The following NSD1 variants were observed in gnomAD, a reference collection of about 807,000 sequenced individuals.
The protein encoded by NSD1 is histone-lysine N-methyltransferase, H3 lysine-36 specific.
A neutral mutation model predicts 242.7 loss-of-function variants in NSD1; 26 were observed. The observed-to-expected ratio is 0.11, with a 90% CI of 0.08 to 0.15. The LOEUF is 0.15. Ranked by LOEUF, NSD1 falls within the 10% of genes least tolerant of loss-of-function variation. NSD1 has a pLI of 1.00. For synonymous variants in NSD1, 1,106 were observed against 1,178.1 expected, an observed-to-expected ratio of 0.94 and a Z score of 1.25; for missense variants, 2,495 against 3,272.8, an observed-to-expected ratio of 0.76 and a Z score of 5.80.
In NSD1 at chr5:177,297,032, A is replaced by G. The variant is rs919639892; in HGVS notation, c.*1573A>G. 8 of 233,142 alleles carry G rather than the reference A, an allele frequency of 3.4e-5. No individual in the cohort carries two copies. The Admixed American group carries it at 3.9e-4, about 11-fold the overall frequency. 14.4% of individuals were successfully genotyped at this position (233,142 alleles called of 1,614,324 possible). On this transcript the variant is annotated 3_prime_UTR_variant, in exon 23 of 23. Transcript: ENST00000439151. ...TCAAGTTCTTATTGAGGTTACTCCC[A>G]TCAATTCCACGGAGGGAACAGTAGT...
rs573372461 is a variant in NSD1 at position 177,162,374 on chromosome 5, C to T, written c.927+26344C>T. Among the ~76,000 whole-genome samples the T allele has an allele frequency of 9.4e-5, 14 of 149,344 alleles. No individual in the cohort carries two copies. In the East Asian group the frequency reaches 2.5e-3, roughly 27 times the overall value. On this transcript the variant is annotated intron_variant, in intron 2 of 22. Coordinates refer to ENST00000439151, the MANE Select transcript of NSD1 (RefSeq NM_022455.5). ...TTACTAGGAATTTGTTAAAATTAAC[C>T]AGGCTGGAAGTCATTATAGTTTGTT... is the stretch of plus-strand genomic sequence containing the variant.
chr5:177,179,014 A>G (rs186627756), intron 2 of NSD1, among the ~76,000 whole-genome samples: 17 of 152,294 alleles, frequency 1.1e-4, no homozygotes, highest in African/African-American at 4.1e-4. Context: ...ATAAGTAGCT[A>G]TTAGCCAGAT....
At position 177,280,801 on chromosome 5, in the gene NSD1, T is replaced by C. The variant is rs1581527967; in HGVS notation, c.5859T>C (p.Gly1953=). 6.2e-7 allele frequency: 1 copy of C among 1,614,174 alleles called. No homozygotes were observed. Among genetic ancestry groups the C allele is most frequent in the South Asian group, 1.1e-5 (1 of 91,074 alleles). The change falls in exon 18 of 23, where the codon GGT becomes GGC. Residue 1953 remains glycine, a synonymous_variant. Coordinates refer to ENST00000439151, the MANE Select transcript of NSD1 (RefSeq NM_022455.5). Reference sequence around the variant, plus strand: ...AAATTTTCCGCACATTACAGCGGGGTTGGGGTCTACGGACAAAAACAGATA... The same window carrying C: ...AAATTTTCCGCACATTACAGCGGGGCTGGGGTCTACGGACAAAAACAGATA... ...EVEIFRTLQR[G]WGLRTKTDIK... is the part of the protein sequence containing the mutation.
chr5:177,143,783 C>CTT (rs11300578), intron 2 of NSD1, among the ~76,000 whole-genome samples: 72 of 121,116 alleles, frequency 5.9e-4, no homozygotes, highest in Admixed American at 2.5e-3. Context: ...TACAAGATAA[C>CTT]TTTTTTTTTT....
chr5:177,265,906 C>A (rs541248753), intron 14 of NSD1: 3 of 1,468,140 alleles, frequency 2.0e-6, no homozygotes, highest in Non-Finnish European at 2.9e-6. Context: ...TCAGGTCTTC[C>A]ACCTTGACGG....
At chr5:177,171,137 G>A (rs973007977) in intron 2 of NSD1, among the ~76,000 whole-genome samples, 42 of 151,706 alleles carry the variant, frequency 2.8e-4, no homozygotes, top group Admixed American at 6.6e-5. Context: ...CCTGGCCAAC[G>A]TGGTGAAACC....
At chr5:177,132,692 G>C (rs1451066986), upstream of NSD1, among the ~76,000 whole-genome samples, 1 of 152,076 alleles carries the variant, frequency 6.6e-6, no homozygotes, top group Non-Finnish European at 1.5e-5. This position sits in a 1 kb window ranked among gnomAD's most constrained non-coding sequence, Gnocchi z 7.5. Context: ...GGGTCGCCTG[G>C]CTTCGTTCCC....
chr5:177,160,487 G>A lies in NSD1; in HGVS notation c.927+24457G>A, dbSNP rs546175199. 3.5e-4 allele frequency among the ~76,000 whole-genome samples: 53 copies of A among 151,520 alleles called. 1 individual carries two copies. The South Asian group carries it at 9.2e-3, about 26-fold the overall frequency. ...GGCTGATTTTTTTGTATTTTTAGTA[G>A]TGACGGGCTTTCACCATGTTGGCCA... On this transcript the variant is annotated intron_variant, in intron 2 of 22. Transcript: ENST00000439151.
chr5:177,159,850 A>G (rs1002141975), intron 2 of NSD1, among the ~76,000 whole-genome samples: 10 of 151,714 alleles, frequency 6.6e-5, no homozygotes, highest in African/African-American at 2.2e-4. Flanking sequence ...CGGCCTCCCA[A>G]AGTGCTGGGA....
chr5:177,241,504 C>T (rs912012855), intron 8 of NSD1, among the ~76,000 whole-genome samples: 1 of 151,238 alleles, frequency 6.6e-6, no homozygotes, highest in Admixed American at 6.6e-5. Context: ...GACTCTCTCT[C>T]TCTCAAAAAA....
At chr5:177,293,202 C>T (rs1291764336) in intron 22 of NSD1, among the ~76,000 whole-genome samples, 1 of 152,172 alleles carries the variant, frequency 6.6e-6, no homozygotes, top group Non-Finnish European at 1.5e-5. Flanking sequence ...AACACTGTCC[C>T]TGGTCAAGAC....
At chr5:177,182,737 G>A (rs576482773) in intron 2 of NSD1, among the ~76,000 whole-genome samples, 2 of 152,062 alleles carry the variant, frequency 1.3e-5, no homozygotes, top group African/African-American at 4.8e-5. Context: ...TCCCGGGTTC[G>A]AGTGATTCTC....
chr5:177,195,507 G>A (rs1762039661), intron 3 of NSD1, among the ~76,000 whole-genome samples: 1 of 151,732 alleles, frequency 6.6e-6, no homozygotes, highest in Admixed American at 6.6e-5. Context: ...TCGTTCTATT[G>A]CCCAGGCTAG....
chr5:177,204,639 G>A (rs569877305), intron 4 of NSD1, among the ~76,000 whole-genome samples: 2 of 152,216 alleles, frequency 1.3e-5, no homozygotes, highest in Admixed American at 6.5e-5. Context: ...TGCCTGGCCC[G>A]GCCTTTTAAA....
rs559441081 is a variant in NSD1 at position 177,211,782 on chromosome 5, C to T, written c.3383C>T (p.Ser1128Phe). ...GGTAAAATTTCTGAAAAAGGACTCT[C>T]TTTTGAAAACGGAAAAGGCCCAGAG... ...DPGKISEKGL[S>F]FENGKGPELD... Residue 1128 changes from serine (S) to phenylalanine (F), a missense_variant, in exon 5 of 23, where the codon TCT (serine) becomes TTT (phenylalanine). This residue lies in a region of NSD1 where 426 missense variants were observed against 411.4 expected (regional missense o/e 1.04). Coordinates refer to ENST00000439151, the MANE Select transcript of NSD1 (RefSeq NM_022455.5). The T allele has an allele frequency of 6.2e-7, 1 of 1,614,114 alleles. No homozygotes were observed. The highest frequency in any genetic ancestry group is 1.7e-5 in the Admixed American group (1 of 59,996).
intron 13 of NSD1, among the ~76,000 whole-genome samples, chr5:177,258,240 A>C (rs1756691749): frequency 6.6e-6 from 1 of 151,784 alleles, no homozygotes; most frequent in African/African-American, 2.4e-5. Flanking sequence ...TCGGCCTCCC[A>C]AAGTGCTGGG....
chr5:177,134,479 C>G lies in NSD1; in HGVS notation c.-18+527C>G, dbSNP rs541644416. On this transcript the variant is annotated intron_variant, in intron 1 of 22. Coordinates refer to ENST00000439151, the MANE Select transcript of NSD1 (RefSeq NM_022455.5). The surrounding 1 kb of genome is among the most constrained non-coding windows in gnomAD (Gnocchi z 4.2). ...GCCTCGGTTTCTCCCTCTGCCGGGT[C>G]CAGGCCTCTTCGCCCTGCAGCTGCG... is the stretch of plus-strand genomic sequence containing the variant. Among the ~76,000 whole-genome samples, 126 of 152,284 alleles carry G rather than the reference C, an allele frequency of 8.3e-4. No individual in the cohort carries two copies. Among genetic ancestry groups the G allele is most frequent in the African/African-American group, 2.9e-3 (122 of 41,578 alleles).
At position 177,282,117 on chromosome 5, in the gene NSD1, A is replaced by G. The variant is rs558005745; in HGVS notation, c.5893-348A>G. Among the ~76,000 whole-genome samples the G allele has an allele frequency of 3.5e-4, 53 of 152,312 alleles. 2 individuals are homozygous for G. The South Asian group carries it at 7.9e-3, about 23-fold the overall frequency. ...GCAGAGCAAGCACCAAGGAAGATGA[A>G]CATAGTTTATTTGGGGAAGCCAATT... On this transcript the variant is annotated intron_variant, in intron 18 of 22. Coordinates refer to ENST00000439151, the MANE Select transcript of NSD1 (RefSeq NM_022455.5).
At chr5:177,144,704 T>C (rs1349995351) in intron 2 of NSD1, among the ~76,000 whole-genome samples, 2 of 152,216 alleles carry the variant, frequency 1.3e-5, no homozygotes, top group Admixed American at 1.3e-4. Context: ...ATAATAACAA[T>C]TGAACAGTTA....
Sources: gnomAD v4.1 joint callset for allele counts (sites outside exome capture counted in the v4.1 genomes callset) on GRCh38, gnomAD v4.1.1 for gene constraint, gnomAD v4.1.1 regional missense constraint, Gnocchi (gnomAD v3.1) non-coding constraint, MANE v1.5 for transcripts, NCBI Gene and HGNC (gene_info 2026-07-23, HGNC 2026-07-21) for gene names.